Variants in WWC1 observed in about 807,000 individuals in gnomAD.
WWC1 encodes the protein WW and C2 domain containing 1.
A neutral mutation model predicts 138.4 loss-of-function variants in WWC1; 55 were observed. That is an observed-to-expected ratio of 0.40 (90% confidence interval 0.32 to 0.50). The LOEUF (loss-of-function observed/expected upper bound fraction) is 0.50, where lower values mean the gene tolerates loss of function less well. WWC1 is among the 20% of genes least tolerant of loss of function. The pLI is 0.72. For missense variants in WWC1, 1,226 were observed against 1,420.4 expected (o/e 0.86, Z 2.20); for synonymous variants, 524 against 564.9 (o/e 0.93, Z 1.03).
chr5:168,441,658 TCTC>T, intron 15 of WWC1, 21 bp from the exon 16 acceptor site: 1 of 1,610,652 alleles, frequency 6.2e-7, no homozygotes, highest in Non-Finnish European at 8.5e-7. Flanking sequence ...CCACTTATGT[TCTC>T]CTTGTTTCCA....
rs1034039705 is a variant in WWC1, at chr5:168,472,120, C to T, written c.*3103C>T. On this transcript the variant is annotated 3_prime_UTR_variant, in exon 23 of 23. Coordinates refer to ENST00000265293, the MANE Select transcript of WWC1 (RefSeq NM_015238.3). ...TCCTCCTGCCTGAAGAAGTGCATCTCAGCATCACTTCAGCTGTCGGGGCAT... is the reference window on the plus strand; with the variant it reads ...TCCTCCTGCCTGAAGAAGTGCATCTTAGCATCACTTCAGCTGTCGGGGCAT... 1.3e-5 allele frequency: 2 copies of T among 152,212 alleles called. No individual in the cohort carries two copies. Among genetic ancestry groups the T allele is most frequent in the Non-Finnish European group, 2.9e-5 (2 of 68,056 alleles). 9.4% of individuals were successfully genotyped at this position (152,212 alleles called of 1,614,324 possible).
intron 1 of WWC1, among the ~76,000 whole-genome samples, chr5:168,339,843 T>TTCTTTCTTTCTTTCTTTTTCTTTTC (rs1773843772): frequency 3.3e-5 from 5 of 150,746 alleles, no homozygotes; most frequent in African/African-American, 1.2e-4. Flanking sequence ...TTTCTTTTCT[T>TTCTTTCTTTCTTTCTTTTTCTTTTC]TCTTTCTTTC....
chr5:168,435,395 C>T (rs1286006487), intron 15 of WWC1, among the ~76,000 whole-genome samples: 1 of 152,174 alleles, frequency 6.6e-6, no homozygotes, highest in East Asian at 1.9e-4. Flanking sequence ...TGTTATTTCT[C>T]CCATGCTCAA....
At chr5:168,434,285 T>C (rs1782174041) in intron 15 of WWC1, among the ~76,000 whole-genome samples, 1 of 152,226 alleles carries the variant, frequency 6.6e-6, no homozygotes, top group East Asian at 1.9e-4. Context: ...GGAAACCTCC[T>C]TTCCCATATA....
chr5:168,351,163 C>T (rs1214430501), intron 1 of WWC1, among the ~76,000 whole-genome samples: 2 of 150,216 alleles, frequency 1.3e-5, no homozygotes, highest in African/African-American at 4.9e-5. Flanking sequence ...AAAAAAAAAT[C>T]CCAGCTAGAT....
chr5:168,328,632 C>T (rs959332146), intron 1 of WWC1, among the ~76,000 whole-genome samples: 8 of 152,084 alleles, frequency 5.3e-5, no homozygotes, highest in Non-Finnish European at 1.0e-4. Flanking sequence ...CTGCAACCTC[C>T]GCCTCCCGGG....
rs368809170 is a variant in WWC1, at chr5:168,441,811, C to T, written c.2410C>T (p.Pro804Ser). Residue 804 changes from proline to serine, a missense_variant, in exon 16 of 23, where the codon CCT (proline) becomes TCT (serine). Transcript: ENST00000265293. ...RELKPVGVMA[P>S]ASGPASTDAV... is the part of the protein sequence containing the mutation. ...GCTCAAGCCAGTGGGAGTCATGGCCCCTGCCTCAGGGCCTGCCAGCACGGT... is the reference window on the plus strand; with the variant it reads ...GCTCAAGCCAGTGGGAGTCATGGCCTCTGCCTCAGGGCCTGCCAGCACGGT... 126 of 1,613,924 alleles carry T rather than the reference C, an allele frequency of 7.8e-5. No individual in the cohort carries two copies. The highest frequency in any genetic ancestry group is 8.8e-5 in the Non-Finnish European group (104 of 1,179,934).
rs185322732 is a variant in WWC1, at chr5:168,403,980, G to A, written c.591-2218G>A. 4.6e-4 allele frequency among the ~76,000 whole-genome samples: 62 copies of A among 133,564 alleles called. No homozygotes were observed. In the Middle Eastern group the frequency reaches 0.016, roughly 34 times the overall value. 87.6% of individuals were successfully genotyped at this position (133,564 alleles called of 152,430 possible). A position where few individuals can be genotyped will look rare whatever the true frequency, so the allele number is the denominator to read the frequency against. The stretch of plus-strand genomic sequence containing the variant: ...TAATGGTGACCCTTTGTTCTCCCCC[G>A]ACCCCCTCCCCACCCAGCTTCATCC... On this transcript the variant is annotated intron_variant, in intron 5 of 22. Transcript: ENST00000265293.
At chr5:168,415,915 G>T (rs561479513) in intron 9 of WWC1, 1 of 149,120 alleles carries the variant, frequency 6.7e-6, no homozygotes, top group Non-Finnish European at 1.5e-5. Context: ...AGTGAAATCA[G>T]AGGCAGAGGC....
chr5:168,373,454 G>A (rs1347832657), intron 2 of WWC1, among the ~76,000 whole-genome samples: 2 of 152,168 alleles, frequency 1.3e-5, no homozygotes, highest in South Asian at 2.1e-4. Flanking sequence ...GGTTGGATGT[G>A]GGGGACCACC....
intron 1 of WWC1, among the ~76,000 whole-genome samples, chr5:168,332,015 A>G (rs1773072616): frequency 6.6e-6 from 1 of 152,032 alleles, no homozygotes; most frequent in Non-Finnish European, 1.5e-5. Flanking sequence ...GCGTGGTGGT[A>G]CGTGCCTATA....
intron 8 of WWC1, chr5:168,414,068 T>C: frequency 2.5e-6 from 1 of 403,658 alleles, no homozygotes; most frequent in Non-Finnish European, 4.5e-6. Flanking sequence ...GGTTAGTGCC[T>C]GGTGATGAAT....
At chr5:168,424,386 C>G (rs1218429321) in intron 11 of WWC1, among the ~76,000 whole-genome samples, 1 of 152,186 alleles carries the variant, frequency 6.6e-6, no homozygotes, top group Admixed American at 6.5e-5. Flanking sequence ...GGGTGCCAGG[C>G]ACTGGGTTGG....
At chr5:168,398,488 A>G (rs1332657063) in intron 4 of WWC1, among the ~76,000 whole-genome samples, 1 of 152,202 alleles carries the variant, frequency 6.6e-6, no homozygotes, top group East Asian at 1.9e-4. Flanking sequence ...TCTTACTCCA[A>G]AGTTTCTAAT....
At position 168,423,149 on chromosome 5, in the gene WWC1, C is replaced by CAAAAAAAAAAAAAAAAA. The variant is rs773855632; in HGVS notation, c.1275-377_1275-361dup. 7.0e-5 allele frequency among the ~76,000 whole-genome samples: 5 copies of CAAAAAAAAAAAAAAAAA among 71,310 alleles called. No homozygotes were observed. The East Asian group carries it at 1.3e-3, about 19-fold the overall frequency. The allele number at this position is 71,310 out of a possible 152,430, so 46.8% of individuals were successfully genotyped here. A position where few individuals can be genotyped will look rare whatever the true frequency, so the allele number is the denominator to read the frequency against. Reference sequence around the variant, plus strand: ...GACAGAGCAAGACTCCATCCCCCCCCAAAAAAAAAAAAAAAAAAAAAAACA... The same window carrying CAAAAAAAAAAAAAAAAA: ...GACAGAGCAAGACTCCATCCCCCCCCAAAAAAAAAAAAAAAAAAAAAAAAAAAAAAAAAAAAAAAACA... On this transcript the variant is annotated intron_variant, in intron 10 of 22. Transcript: ENST00000265293.
rs1260552855 is a variant in WWC1 at position 168,344,035 on chromosome 5, C to T, written c.120-27389C>T. On this transcript the variant is annotated intron_variant, in intron 1 of 22. Transcript: ENST00000265293. ...CCACTGTAGCTGACAAGCTATCATG[C>T]AGCTCACCCAAACAGCAGCTTGCAA... 7.9e-5 allele frequency among the ~76,000 whole-genome samples: 12 copies of T among 152,098 alleles called. No individual in the cohort carries two copies. In the East Asian group the frequency reaches 2.3e-3, roughly 29 times the overall value.
At chr5:168,348,121 G>T (rs1774629252) in intron 1 of WWC1, among the ~76,000 whole-genome samples, 3 of 152,228 alleles carry the variant, frequency 2.0e-5, no homozygotes, top group Admixed American at 2.0e-4. Flanking sequence ...GTTACTGGCA[G>T]CCCCATTTGA....
At chr5:168,317,753 G>A (rs1450408764) in intron 1 of WWC1, among the ~76,000 whole-genome samples, 3 of 152,156 alleles carry the variant, frequency 2.0e-5, no homozygotes, top group African/African-American at 7.2e-5. Flanking sequence ...AGAGGCAAGT[G>A]GACTGGGACA....
chr5:168,373,995 G>T lies in WWC1; in HGVS notation c.229+2462G>T, dbSNP rs974461585. On this transcript the variant is annotated intron_variant, in intron 2 of 22. Coordinates refer to ENST00000265293, the MANE Select transcript of WWC1 (RefSeq NM_015238.3). ...CTGGAAGCGGAGCTTGCAGTGAGCC[G>T]AGATCCCGCCACTGCACTCCAGCCT... 4.1e-5 allele frequency among the ~76,000 whole-genome samples: 6 copies of T among 146,132 alleles called. No homozygotes were observed. In the East Asian group the frequency reaches 8.1e-4, roughly 20 times the overall value.
Sources: allele counts gnomAD v4.1 joint callset (sites outside exome capture counted in the v4.1 genomes callset), GRCh38; gene constraint gnomAD v4.1.1; transcripts MANE v1.5; gene names NCBI Gene and HGNC (gene_info 2026-07-23, HGNC 2026-07-21).